Variants in NRF1 observed in about 807,000 individuals in gnomAD.
The protein encoded by NRF1 is alpha palindromic-binding protein.
A neutral mutation model predicts 58.5 loss-of-function variants in NRF1; 5 were observed. The ratio of observed to expected loss-of-function variants is 0.09; its 90% confidence interval spans 0.04 to 0.18. The LOEUF (loss-of-function observed/expected upper bound fraction) is 0.18, where lower values mean the gene tolerates loss of function less well. NRF1 is among the 10% of genes least tolerant of loss of function. NRF1 has a pLI of 1.00. For missense variants in NRF1, 288 were observed against 657.7 expected, an observed-to-expected ratio of 0.44 and a Z score of 6.15; for synonymous variants, 224 against 246.7, an observed-to-expected ratio of 0.91 and a Z score of 0.86.
chr7:129,643,909 C>T (rs1801348087), intron 1 of NRF1, among the ~76,000 whole-genome samples: 1 of 152,198 alleles, frequency 6.6e-6, no homozygotes, highest in African/African-American at 2.4e-5. Flanking sequence ...CTTTGGTCCC[C>T]AGACTCCCCC....
Position 129,755,319 on chromosome 7 carries a change from A to C in NRF1, c.*138A>C, listed in dbSNP as rs1324163175. 1 of 787,192 alleles carries C rather than the reference A, an allele frequency of 1.3e-6. No individual in the cohort carries two copies. The highest frequency in any genetic ancestry group is 1.8e-6 in the Non-Finnish European group (1 of 550,474). The allele number at this position is 787,192 out of a possible 1,614,324, so 48.8% of individuals were successfully genotyped here. A position where few individuals can be genotyped will look rare whatever the true frequency, so the allele number is the denominator to read the frequency against. On this transcript the variant is annotated 3_prime_UTR_variant, in exon 11 of 11. Coordinates refer to ENST00000393232, the MANE Select transcript of NRF1 (RefSeq NM_005011.5). This position sits in a 1 kb window ranked among gnomAD's most constrained non-coding sequence, Gnocchi z 5.8. ...TAACCTTTTTTTTTTTAAAAGGAAGAAAGCGGATTTTGGAATTGCATTTTT... is the reference window on the plus strand; with the variant it reads ...TAACCTTTTTTTTTTTAAAAGGAAGCAAGCGGATTTTGGAATTGCATTTTT...
In NRF1 at chr7:129,642,145, A is replaced by AT. The variant is rs547036116; in HGVS notation, c.-6-15195dup. ...AGGCACTCGCCACCATGCCCAGCTA[A>AT]TTTTTTGTATTTTTTTTTAGTAGAG... is the stretch of plus-strand genomic sequence containing the variant. On this transcript the variant is annotated intron_variant, in intron 1 of 10. Coordinates refer to ENST00000393232, the MANE Select transcript of NRF1 (RefSeq NM_005011.5). 3.7e-3 allele frequency among the ~76,000 whole-genome samples: 553 copies of AT among 151,498 alleles called. 2 individuals are homozygous for AT. The highest frequency in any genetic ancestry group is 6.3e-3 in the Non-Finnish European group (428 of 67,924).
intron 1 of NRF1, among the ~76,000 whole-genome samples, chr7:129,645,177 T>C (rs1432610071): frequency 6.6e-6 from 1 of 152,212 alleles, no homozygotes; most frequent in Admixed American, 6.5e-5. Context: ...AAGCCCTTTT[T>C]CAAATAGTAA....
chr7:129,676,399 G>A lies in NRF1; in HGVS notation c.339-1233G>A, dbSNP rs115500262. ...TTTTGATTAAAAGTGGGAGATGTGC[G>A]ACTCTTCCTTAAAGTTGAACACTTA... On this transcript the variant is annotated intron_variant, in intron 3 of 10. Transcript: ENST00000393232. Among the ~76,000 whole-genome samples, 651 of 152,284 alleles carry A rather than the reference G, an allele frequency of 4.3e-3. 1 individual carries two copies. The highest frequency in any genetic ancestry group is 0.015 in the African/African-American group (606 of 41,558).
chr7:129,710,292 A>C, intron 6 of NRF1, 82 bp from the exon 7 acceptor site: 1 of 1,236,948 alleles, frequency 8.1e-7, no homozygotes, highest in African/African-American at 1.5e-5. Flanking sequence ...TTTGATAAAG[A>C]AGTAGCTGCT....
chr7:129,617,903 G>A (rs1048152905), intron 1 of NRF1, among the ~76,000 whole-genome samples: 2 of 152,154 alleles, frequency 1.3e-5, no homozygotes, highest in African/African-American at 4.8e-5. Flanking sequence ...GATTTTGCTC[G>A]ACTTGGAGAA....
chr7:129,713,894 C>T (rs1803131657), intron 8 of NRF1, among the ~76,000 whole-genome samples: 1 of 152,244 alleles, frequency 6.6e-6, no homozygotes, highest in Non-Finnish European at 1.5e-5. Context: ...GAGAGCAACA[C>T]ATTCAGTGCA....
chr7:129,688,373 T>TGCC (rs1178246297), intron 4 of NRF1, among the ~76,000 whole-genome samples: 3 of 152,130 alleles, frequency 2.0e-5, no homozygotes, highest in Non-Finnish European at 4.4e-5. Flanking sequence ...GGGATCTGCC[T>TGCC]GCCTCAACTT....
At chr7:129,668,557 T>A (rs1801972985) in intron 2 of NRF1, among the ~76,000 whole-genome samples, 1 of 152,220 alleles carries the variant, frequency 6.6e-6, no homozygotes, top group African/African-American at 2.4e-5. Flanking sequence ...AGCAGCTTTA[T>A]GCACAGTAGC....
chr7:129,677,795 C>A, intron 4 of NRF1, 37 bp downstream of exon 4: 1 of 1,608,798 alleles, frequency 6.2e-7, no homozygotes, highest in African/African-American at 1.3e-5. Flanking sequence ...TTGCCCTTTG[C>A]TTTCTGTCGG....
intron 9 of NRF1, among the ~76,000 whole-genome samples, chr7:129,727,008 A>T (rs1584676524): frequency 6.6e-6 from 1 of 152,158 alleles, no homozygotes; most frequent in African/African-American, 2.4e-5. Flanking sequence ...GTTCTGAGAA[A>T]CTCTCACCAT....
At position 129,657,510 on chromosome 7, in the gene NRF1, C is replaced by T. The variant is rs765775522; in HGVS notation, c.159C>T (p.Tyr53=). ...DSPSSPEDTS[Y]DDSDILNSTA... The stretch of plus-strand genomic sequence containing the variant: ...CTTCTTCTCCCGAGGACACCTCTTA[C>T]GATGACTCAGATATACTCAACTCCA... Residue 53 remains tyrosine, a synonymous_variant, in exon 2 of 11, where the codon TAC becomes TAT. Coordinates refer to ENST00000393232, the MANE Select transcript of NRF1 (RefSeq NM_005011.5). 9 of 1,613,848 alleles carry T rather than the reference C, an allele frequency of 5.6e-6. No homozygotes were observed. The highest frequency in any genetic ancestry group is 1.1e-5 in the South Asian group (1 of 91,080).
chr7:129,645,504 A>G (rs536700788), intron 1 of NRF1, among the ~76,000 whole-genome samples: 4 of 152,198 alleles, frequency 2.6e-5, no homozygotes, highest in Admixed American at 2.0e-4. Flanking sequence ...AATGATAGCC[A>G]TTACCCACCA....
At chr7:129,680,765 A>C (rs561336047) in intron 4 of NRF1, among the ~76,000 whole-genome samples, 1 of 152,312 alleles carries the variant, frequency 6.6e-6, no homozygotes, top group Non-Finnish European at 1.5e-5. Context: ...TTATAGAGAG[A>C]GAGTGGATTA....
In NRF1 at chr7:129,671,513, T is replaced by C. The variant is rs991405543; in HGVS notation, c.308T>C (p.Ile103Thr). The change falls in exon 3 of 11, where the codon ATC (isoleucine) becomes ACC (threonine). Residue 103 changes from isoleucine to threonine, a missense_variant. Ile to Thr is a moderately conservative substitution (Grantham distance 89). Transcript: ENST00000393232. Reference protein sequence around the residue: ...RPHVFESNPSIRKRQQTRLLR... With the variant: ...RPHVFESNPSTRKRQQTRLLR... ...CATGTATTTGAGTCTAATCCATCTA[T>C]CCGGAAGAGGCAACAAACACGTTTG... 1.2e-6 allele frequency: 2 copies of C among 1,612,212 alleles called. No homozygotes were observed. Among genetic ancestry groups the C allele is most frequent in the African/African-American group, 1.3e-5 (1 of 74,880 alleles).
intron 2 of NRF1, among the ~76,000 whole-genome samples, chr7:129,666,591 G>A (rs1444761881): frequency 6.6e-6 from 1 of 152,116 alleles, no homozygotes; most frequent in Admixed American, 6.5e-5. Context: ...GAGTGCAGTG[G>A]CACGATCTCT....
chr7:129,660,395 A>G (rs952342001), intron 2 of NRF1, among the ~76,000 whole-genome samples: 3 of 150,872 alleles, frequency 2.0e-5, no homozygotes, highest in Non-Finnish European at 4.4e-5. Context: ...AAAAGTCCAC[A>G]GTCCAAATTC....
At chr7:129,666,811 G>A (rs1359243177) in intron 2 of NRF1, among the ~76,000 whole-genome samples, 3 of 152,160 alleles carry the variant, frequency 2.0e-5, no homozygotes, top group African/African-American at 7.2e-5. Context: ...GATTACAGGC[G>A]AGAGCCACCG....
chr7:129,634,504 T>G (rs1173796602), intron 1 of NRF1, among the ~76,000 whole-genome samples: 2 of 152,190 alleles, frequency 1.3e-5, no homozygotes, highest in Non-Finnish European at 2.9e-5. Flanking sequence ...TTGATAACTT[T>G]TCATGGCTTG....
Sources: allele counts gnomAD v4.1 joint callset (sites outside exome capture counted in the v4.1 genomes callset), GRCh38; gene constraint gnomAD v4.1.1; non-coding constraint Gnocchi (gnomAD v3.1); transcripts MANE v1.5; gene names NCBI Gene and HGNC (gene_info 2026-07-23, HGNC 2026-07-21).